Variants in LRMDA observed in about 807,000 individuals in gnomAD.
The protein encoded by LRMDA is leucine rich melanocyte differentiation associated.
A neutral mutation model predicts 29.8 loss-of-function variants in LRMDA; 18 were observed. The observed-to-expected ratio is 0.60, with a 90% CI of 0.42 to 0.90. The LOEUF (loss-of-function observed/expected upper bound fraction) is 0.90, where lower values mean the gene tolerates loss of function less well. Ranked by LOEUF, LRMDA falls within the 40% of genes least tolerant of loss-of-function variation. The pLI is 0.00. For synonymous variants in LRMDA, 125 were observed against 109.4 expected (o/e 1.14, Z -0.89); for missense variants, 273 against 273.9 (o/e 1.00, Z 0.02).
chr10:76,406,928 C>T (rs988328716), intron 6 of LRMDA, among the ~76,000 whole-genome samples: 2 of 152,188 alleles, frequency 1.3e-5, no homozygotes, highest in African/African-American at 4.8e-5. Context: ...TTCCAGATCT[C>T]AGTACAGTTG....
chr10:75,683,788 A>G (rs1842052041), intron 2 of LRMDA, among the ~76,000 whole-genome samples: 1 of 152,220 alleles, frequency 6.6e-6, no homozygotes, highest in African/African-American at 2.4e-5. Flanking sequence ...ATCTTCCTTC[A>G]TTCTTGAAAG....
chr10:76,525,390 T>C (rs1241173516), intron 6 of LRMDA, among the ~76,000 whole-genome samples: 3 of 152,184 alleles, frequency 2.0e-5, no homozygotes, highest in Non-Finnish European at 4.4e-5. Flanking sequence ...TCTCACCCAC[T>C]ACTGCTCCTG....
At chr10:75,676,357 C>T (rs1399522004) in intron 2 of LRMDA, among the ~76,000 whole-genome samples, 1 of 152,158 alleles carries the variant, frequency 6.6e-6, no homozygotes, top group Non-Finnish European at 1.5e-5. Context: ...TTAAACTAAA[C>T]GATAGTTTGG....
At chr10:76,116,706 G>A (rs1225737925) in intron 5 of LRMDA, among the ~76,000 whole-genome samples, 1 of 152,172 alleles carries the variant, frequency 6.6e-6, no homozygotes, top group African/African-American at 2.4e-5. Flanking sequence ...AACTTTGAGA[G>A]GAGACTATGC....
chr10:75,459,173 G>C (rs1844556162), intron 2 of LRMDA, among the ~76,000 whole-genome samples: 1 of 152,182 alleles, frequency 6.6e-6, no homozygotes, highest in Admixed American at 6.5e-5. Context: ...AGGTGCAGTA[G>C]TTCATGCCTG....
chr10:76,179,010 G>A (rs1201375506), intron 5 of LRMDA, among the ~76,000 whole-genome samples: 1 of 152,188 alleles, frequency 6.6e-6, no homozygotes, highest in Non-Finnish European at 1.5e-5. Context: ...AGCTTCTTGA[G>A]CCCAGCAACA....
intron 5 of LRMDA, 96 bp from the exon 6 acceptor site, chr10:76,324,305 C>A: frequency 9.4e-7 from 1 of 1,065,130 alleles, no homozygotes; most frequent in Non-Finnish European, 1.4e-6. Context: ...ATATTTTCTC[C>A]AAGCTCAGAT....
chr10:75,671,724 C>G (rs1204303817), intron 2 of LRMDA, among the ~76,000 whole-genome samples: 1 of 151,606 alleles, frequency 6.6e-6, no homozygotes, highest in African/African-American at 2.4e-5. Context: ...CACCATGGCA[C>G]GTGTATACCT....
At chr10:75,718,223 T>C (rs985847190) in intron 2 of LRMDA, among the ~76,000 whole-genome samples, 1 of 152,224 alleles carries the variant, frequency 6.6e-6, no homozygotes, top group African/African-American at 2.4e-5. Flanking sequence ...TCACAGTTTG[T>C]GGATTGGCCG....
At chr10:76,228,143 T>C (rs1851994837) in intron 5 of LRMDA, among the ~76,000 whole-genome samples, 1 of 151,742 alleles carries the variant, frequency 6.6e-6, no homozygotes, top group Non-Finnish European at 1.5e-5. Context: ...TGCCTCAGCC[T>C]CCCGAGTAGC....
At chr10:76,341,337 A>G (rs879919430) in intron 6 of LRMDA, among the ~76,000 whole-genome samples, 4 of 152,210 alleles carry the variant, frequency 2.6e-5, no homozygotes, top group Non-Finnish European at 4.4e-5. Context: ...TACTAGTCTT[A>G]GGGGATTCTC....
Position 76,153,983 on chromosome 10 carries a change from G to A in LRMDA, c.516+95200G>A, listed in dbSNP as rs933540886. On this transcript the variant is annotated intron_variant, in intron 5 of 6. Coordinates refer to ENST00000611255, the MANE Select transcript of LRMDA (RefSeq NM_001305581.2). The stretch of plus-strand genomic sequence containing the variant: ...TCTTAGGTTGCTCTGATATCACAGC[G>A]ATTGATTAATGATATCTGAAACCTG... 5.9e-5 allele frequency among the ~76,000 whole-genome samples: 9 copies of A among 152,302 alleles called. No homozygotes were observed. In the East Asian group the frequency reaches 9.7e-4, roughly 16 times the overall value.
chr10:76,149,458 A>G (rs1412733339), intron 5 of LRMDA, among the ~76,000 whole-genome samples: 1 of 152,218 alleles, frequency 6.6e-6, no homozygotes, highest in Non-Finnish European at 1.5e-5. Context: ...TGTTGATCAC[A>G]GAGAGTATGC....
At chr10:75,692,247 T>TATAC (rs1491551304) in intron 2 of LRMDA, among the ~76,000 whole-genome samples, 41 of 131,704 alleles carry the variant, frequency 3.1e-4, no homozygotes, top group African/African-American at 1.2e-3. Context: ...TATATATATA[T>TATAC]ACATATATAT....
At chr10:75,581,366 A>G (rs924482705) in intron 2 of LRMDA, among the ~76,000 whole-genome samples, 1 of 152,268 alleles carries the variant, frequency 6.6e-6, no homozygotes, top group Non-Finnish European at 1.5e-5. Flanking sequence ...CCACAATGAG[A>G]TACCATCTCA....
intron 6 of LRMDA, among the ~76,000 whole-genome samples, chr10:76,449,797 A>G (rs918783400): frequency 2.0e-5 from 3 of 152,006 alleles, no homozygotes; most frequent in African/African-American, 7.2e-5. Context: ...TTCTAATGAG[A>G]AATGTAAATT....
intron 2 of LRMDA, among the ~76,000 whole-genome samples, chr10:75,514,222 T>C (rs1472976474): frequency 6.6e-6 from 1 of 151,644 alleles, no homozygotes; most frequent in Non-Finnish European, 1.5e-5. Context: ...TCTACCACTT[T>C]TCTTAGTTTC....
chr10:75,686,587 C>T (rs117085743), intron 2 of LRMDA, among the ~76,000 whole-genome samples: 1,544 of 152,292 alleles, frequency 0.01, 16 homozygotes, highest in Non-Finnish European at 0.015. Context: ...TGGCTGACTG[C>T]ATAGTTCCTA....
chr10:76,224,637 C>T (rs561174569), intron 5 of LRMDA, among the ~76,000 whole-genome samples: 1 of 141,952 alleles, frequency 7.0e-6, no homozygotes, highest in African/African-American at 2.6e-5. Context: ...CAGTATTCTA[C>T]AGAGCAATAA....
Sources: allele counts gnomAD v4.1 joint callset (sites outside exome capture counted in the v4.1 genomes callset), GRCh38; gene constraint gnomAD v4.1.1; transcripts MANE v1.5; gene names NCBI Gene and HGNC (gene_info 2026-07-23, HGNC 2026-07-21).